SLC17A1: variants seen among roughly 807,000 people sequenced by gnomAD.
SLC17A1 encodes the protein sodium-dependent phosphate transport protein 1.
Under a neutral mutation model 53.5 loss-of-function variants are expected in SLC17A1, and 51 were observed. The ratio of observed to expected loss-of-function variants is 0.95; its 90% CI spans 0.76 to 1.20. The LOEUF is 1.20. Among genes scored for constraint, SLC17A1 ranks in the 50% most tolerant of loss-of-function variants. The probability of loss-of-function intolerance (pLI) is 0.00; values close to 1 mark genes in which losing one functional copy is unlikely to be tolerated. For synonymous variants in SLC17A1, 179 were observed against 198.8 expected, an observed-to-expected ratio of 0.90 and a Z score of 0.84; for missense variants, 538 against 568.2, an observed-to-expected ratio of 0.95 and a Z score of 0.54.
chr6:25,750,381 A>G, the SLC17A1 span, among the ~76,000 whole-genome samples: 1 of 152,214 alleles, frequency 6.6e-6, no homozygotes, highest in Non-Finnish European at 1.5e-5. Context: ...TGAAAAAGTA[A>G]TTAGCTGGTT....
the SLC17A1 span, among the ~76,000 whole-genome samples, chr6:25,747,535 T>C: frequency 1.3e-5 from 2 of 152,234 alleles, no homozygotes; most frequent in Admixed American, 1.3e-4. Flanking sequence ...AAAAATATTC[T>C]TCCAAGAAAC....
chr6:25,728,367 G>A, the SLC17A1 span, among the ~76,000 whole-genome samples: 1 of 152,136 alleles, frequency 6.6e-6, no homozygotes, highest in Admixed American at 6.5e-5. Context: ...GAGCTCCCAA[G>A]CATTAAACTG....
At chr6:25,787,654 C>T (rs528211313) in intron 12 of SLC17A1, among the ~76,000 whole-genome samples, 1 of 152,358 alleles carries the variant, frequency 6.6e-6, no homozygotes, top group African/African-American at 2.4e-5. Context: ...CTGCAGATAA[C>T]AACTTAAGCA....
chr6:25,812,929 T>C lies in SLC17A1; in HGVS notation c.799A>G (p.Ile267Val). Residue 267 changes from isoleucine to valine, a missense_variant, in exon 8 of 13, where the codon ATT becomes GTT. By Grantham distance (29) the Ile-to-Val change is conservative. Transcript: ENST00000244527. ...AAAAACGTAAAACTACCAGTGGAAA[T>C]AGCCCAGACTGGAAGCGACTTAAGT... ...AILKSLPVWA[I>V]STGSFTFFWS... 6.2e-7 allele frequency: 1 copy of C among 1,614,020 alleles called. No individual in the cohort carries two copies. Among genetic ancestry groups the C allele is most frequent in the East Asian group, 2.2e-5 (1 of 44,886 alleles).
At chr6:25,735,260 A>G in the SLC17A1 span, among the ~76,000 whole-genome samples, 2 of 152,264 alleles carry the variant, frequency 1.3e-5, no homozygotes, top group Non-Finnish European at 2.9e-5. Context: ...TACTGTAATT[A>G]TACTGTGGAA....
At chr6:25,728,535 G>T in the SLC17A1 span, among the ~76,000 whole-genome samples, 1 of 152,052 alleles carries the variant, frequency 6.6e-6, no homozygotes, top group Non-Finnish European at 1.5e-5. Flanking sequence ...AGTTAGTACC[G>T]GCCGGCGCGG....
chr6:25,795,407 G>A (rs1022305735), intron 12 of SLC17A1, among the ~76,000 whole-genome samples: 2 of 152,128 alleles, frequency 1.3e-5, no homozygotes, highest in Non-Finnish European at 2.9e-5. Context: ...TTTCAAAGAA[G>A]AGTTAGAGAG....
the SLC17A1 span, among the ~76,000 whole-genome samples, chr6:25,752,849 G>A: frequency 6.6e-6 from 1 of 151,960 alleles, no homozygotes; most frequent in African/African-American, 2.4e-5. Context: ...CTACTCGGGA[G>A]GCTGAGGCAG....
intron 6 of SLC17A1, among the ~76,000 whole-genome samples, chr6:25,814,562 A>G (rs554206217): frequency 6.6e-6 from 1 of 152,342 alleles, no homozygotes; most frequent in South Asian, 2.1e-4. Flanking sequence ...TAAAAATACT[A>G]TAATAGAAAT....
the SLC17A1 span, among the ~76,000 whole-genome samples, chr6:25,744,174 C>T: frequency 2.0e-5 from 3 of 152,222 alleles, no homozygotes; most frequent in Admixed American, 6.5e-5. Context: ...TGACACAAAC[C>T]TTTGTGTGGC....
the SLC17A1 span, chr6:25,727,232 G>A: frequency 6.2e-7 from 1 of 1,613,728 alleles, no homozygotes; most frequent in East Asian, 2.2e-5. Context: ...CGGGAGAGCT[G>A]GCTAAACATG....
the SLC17A1 span, chr6:25,726,121 A>G: frequency 2.0e-6 from 3 of 1,509,236 alleles, 1 homozygote; most frequent in Non-Finnish European, 2.7e-6. Context: ...TTTACCAATG[A>G]CAACCTTAAG....
chr6:25,727,692 T>A, the SLC17A1 span, among the ~76,000 whole-genome samples: 1 of 151,886 alleles, frequency 6.6e-6, no homozygotes, highest in Non-Finnish European at 1.5e-5. Flanking sequence ...TATATCCAAA[T>A]CAGCTGTGGG....
chr6:25,811,433 A>C lies in SLC17A1; in HGVS notation c.1143T>G (p.Gly381=), dbSNP rs766158098. ...TATCCAAGCCATTTATAAACACTCCACCCAAGCAAAAGCTGCCTGTTGCAC... is the reference window on the plus strand; with the variant it reads ...TATCCAAGCCATTTATAAACACTCCCCCCAAGCAAAAGCTGCCTGTTGCAC... ...LAGATGSFCL[G]GVFINGLDIA... is the part of the protein sequence containing the mutation. The change falls in exon 10 of 13, where the codon GGT becomes GGG. Residue 381 remains glycine (G), a synonymous_variant. Transcript: ENST00000244527. 1 of 1,613,898 alleles carries C rather than the reference A, an allele frequency of 6.2e-7. No individual in the cohort carries two copies. The highest frequency in any genetic ancestry group is 1.1e-5 in the South Asian group (1 of 91,056).
chr6:25,806,549 A>C (rs1413394698), intron 10 of SLC17A1, among the ~76,000 whole-genome samples: 1 of 152,130 alleles, frequency 6.6e-6, no homozygotes, highest in Non-Finnish European at 1.5e-5. Context: ...AAATAAGGAA[A>C]TAAAGAGCAT....
At chr6:25,784,609 C>A (rs920132048) in intron 12 of SLC17A1, among the ~76,000 whole-genome samples, 6 of 152,140 alleles carry the variant, frequency 3.9e-5, no homozygotes, top group African/African-American at 1.4e-4. Flanking sequence ...ACCTAAACAC[C>A]TCGTACTACG....
chr6:25,787,557 C>G (rs944768238), intron 12 of SLC17A1, among the ~76,000 whole-genome samples: 5 of 152,196 alleles, frequency 3.3e-5, no homozygotes, highest in African/African-American at 4.8e-5. Flanking sequence ...TCAGCTTATT[C>G]TCTCCTGCTT....
intron 3 of SLC17A1, among the ~76,000 whole-genome samples, chr6:25,821,469 C>T (rs1764559130): frequency 1.3e-5 from 2 of 152,174 alleles, no homozygotes; most frequent in South Asian, 4.1e-4. Flanking sequence ...AAGCAGAATG[C>T]TCAGCCAGGT....
the SLC17A1 span, chr6:25,776,503 A>G: frequency 6.8e-7 from 1 of 1,472,652 alleles, no homozygotes; most frequent in Non-Finnish European, 9.1e-7. Context: ...ATATAAAGAA[A>G]AGCCACAAAT....
Sources: gnomAD v4.1 joint callset for allele counts (sites outside exome capture counted in the v4.1 genomes callset) on GRCh38, gnomAD v4.1.1 for gene constraint, MANE v1.5 for transcripts, NCBI Gene and HGNC (gene_info 2026-07-23, HGNC 2026-07-21) for gene names.